The following SNX1 variants were observed in gnomAD, a reference collection of about 807,000 sequenced individuals.
The protein encoded by SNX1 is sorting nexin 1, also known as sorting nexin-1.
In SNX1, 36 loss-of-function variants were observed where a neutral mutation model predicts 71.8. The observed-to-expected ratio is 0.50, with a 90% CI of 0.38 to 0.66. The LOEUF is 0.66. Among genes scored for constraint, SNX1 ranks in the 30% least tolerant of loss-of-function variants. The pLI is 0.00. For missense variants in SNX1, 612 were observed against 646.7 expected (o/e 0.95, Z 0.58); for synonymous variants, 254 against 240.7 (o/e 1.06, Z -0.51).
chr15:64,114,250 A>G (rs2081106861), intron 2 of SNX1, among the ~76,000 whole-genome samples: 1 of 152,218 alleles, frequency 6.6e-6, no homozygotes, highest in Non-Finnish European at 1.5e-5. Context: ...TCAAGAATGA[A>G]ATAGCAAAGA....
intron 12 of SNX1, among the ~76,000 whole-genome samples, chr15:64,135,276 C>T (rs2081347087): frequency 6.6e-6 from 1 of 151,686 alleles, no homozygotes; most frequent in East Asian, 2.0e-4. Context: ...TGCCACCACA[C>T]CTGGCTAATT....
At position 64,096,150 on chromosome 15, in the gene SNX1, T is replaced by A. The variant is rs2080897481; in HGVS notation, c.137T>A (p.Ile46Asn). The change falls in exon 1 of 15, where the codon ATT becomes AAT. Residue 46 changes from isoleucine (I) to asparagine (N), a missense_variant. Ile to Asn is a moderately radical substitution (Grantham distance 149, BLOSUM62 -3). Around this residue, in one of 2 missense-constraint regions of SNX1, gnomAD observed 316 missense variants for 284.9 expected, o/e 1.11. Coordinates refer to ENST00000559844, the MANE Select transcript of SNX1 (RefSeq NM_003099.5). ...AGDSDTEGEDIFTGAAVVSKH... is the reference protein window; with the variant it reads ...AGDSDTEGEDNFTGAAVVSKH... Reference sequence around the variant, plus strand: ...GACAGCGACACCGAGGGGGAGGACATTTTCACCGGCGCCGCGGTGGTCGTG... The same window carrying A: ...GACAGCGACACCGAGGGGGAGGACAATTTCACCGGCGCCGCGGTGGTCGTG... The A allele has an allele frequency of 1.9e-6, 3 of 1,551,968 alleles. No individual in the cohort carries two copies. In the African/African-American group the frequency reaches 4.1e-5, roughly 21 times the overall value.
At chr15:64,112,044 A>G (rs2081082769) in intron 1 of SNX1, among the ~76,000 whole-genome samples, 1 of 152,248 alleles carries the variant, frequency 6.6e-6, no homozygotes, top group Non-Finnish European at 1.5e-5. Flanking sequence ...TTAAGGATGA[A>G]AAGATAAATT....
intron 1 of SNX1, among the ~76,000 whole-genome samples, chr15:64,108,253 G>A (rs1344219046): frequency 6.6e-6 from 1 of 151,508 alleles, no homozygotes; most frequent in Admixed American, 6.6e-5. Flanking sequence ...GCCATTGAAT[G>A]TAATCAGTAC....
At chr15:64,104,573 C>G (rs1305149955) in intron 1 of SNX1, among the ~76,000 whole-genome samples, 2 of 151,838 alleles carry the variant, frequency 1.3e-5, no homozygotes, top group Non-Finnish European at 2.9e-5. Flanking sequence ...GCGCCCGGCC[C>G]AGGGAGAAGA....
rs1567334896 is a variant in SNX1, at chr15:64,137,920, A to G, written c.*302A>G. 7.1e-7 allele frequency: 1 copy of G among 1,404,844 alleles called. No individual in the cohort carries two copies. Among genetic ancestry groups the G allele is most frequent in the Non-Finnish European group, 9.2e-7 (1 of 1,085,868 alleles). 87.0% of individuals were successfully genotyped at this position (1,404,844 alleles called of 1,614,324 possible). A position where few individuals can be genotyped will look rare whatever the true frequency, so the allele number is the denominator to read the frequency against. On this transcript the variant is annotated 3_prime_UTR_variant, in exon 15 of 15. Transcript: ENST00000559844. Reference sequence around the variant, plus strand: ...TAAATACAAATGTATATTTTTCAGGATGTGGTTTAGGAACTGGGAATAACG... The same window carrying G: ...TAAATACAAATGTATATTTTTCAGGGTGTGGTTTAGGAACTGGGAATAACG...
rs543022059 is a variant in SNX1 at position 64,134,600 on chromosome 15, C to T, written c.1222-64C>T. 5.9e-5 allele frequency: 91 copies of T among 1,546,136 alleles called. No homozygotes were observed. The highest frequency in any genetic ancestry group is 7.4e-5 in the Non-Finnish European group (84 of 1,142,806). ...GTGCAGCTGCTGGGAGAGCCTGCCTCGAGGCAGAGCCAGCAGAGCTCTTGA... is the reference window on the plus strand; with the variant it reads ...GTGCAGCTGCTGGGAGAGCCTGCCTTGAGGCAGAGCCAGCAGAGCTCTTGA... On this transcript the variant is annotated intron_variant, in intron 11 of 14. Transcript: ENST00000559844. This position sits in a 1 kb window ranked among gnomAD's most constrained non-coding sequence, Gnocchi z 4.1.
At chr15:64,119,038 G>A (rs1009094369) in intron 4 of SNX1, among the ~76,000 whole-genome samples, 184 bp downstream of exon 4, 8 of 147,732 alleles carry the variant, frequency 5.4e-5, no homozygotes, top group Admixed American at 3.3e-4. Flanking sequence ...TACTCAATGC[G>A]TTAGTCAGTC....
At chr15:64,120,676 A>C (rs1482806297) in intron 4 of SNX1, among the ~76,000 whole-genome samples, 2 of 152,056 alleles carry the variant, frequency 1.3e-5, no homozygotes, top group Admixed American at 6.6e-5. Flanking sequence ...CCCTGTCTCT[A>C]CAAAAAAATA....
In SNX1 at chr15:64,138,024, TTGG is replaced by T; in HGVS notation, c.*411_*413del. On this transcript the variant is annotated 3_prime_UTR_variant, in exon 15 of 15. Coordinates refer to ENST00000559844, the MANE Select transcript of SNX1 (RefSeq NM_003099.5). ...AAATCAGGTCACATGACTCAGAATG[TTGG>T]TGGTTTTTGCTTAGGCTGGGGAGCA... 6.6e-7 allele frequency: 1 copy of T among 1,511,002 alleles called. No homozygotes were observed. 93.6% of individuals were successfully genotyped at this position (1,511,002 alleles called of 1,614,324 possible). A position where few individuals can be genotyped will look rare whatever the true frequency, so the allele number is the denominator to read the frequency against.
intron 4 of SNX1, among the ~76,000 whole-genome samples, chr15:64,120,895 A>G (rs2081190899): frequency 6.6e-6 from 1 of 152,092 alleles, no homozygotes; most frequent in Non-Finnish European, 1.5e-5. Context: ...CTTTTCCCAG[A>G]CTGTTGGACT....
chr15:64,140,893 T>G lies in SNX1; in HGVS notation c.*3275T>G, dbSNP rs2081405446. 6.6e-6 allele frequency: 1 copy of G among 152,196 alleles called. No individual in the cohort carries two copies. The highest frequency in any genetic ancestry group is 2.1e-4 in the South Asian group (1 of 4,828). The allele number at this position is 152,196 out of a possible 1,614,324, so 9.4% of individuals were successfully genotyped here. A position where few individuals can be genotyped will look rare whatever the true frequency, so the allele number is the denominator to read the frequency against. On this transcript the variant is annotated 3_prime_UTR_variant, in exon 15 of 15. Transcript: ENST00000559844. ...AGCCACCATACCCAGCCAGAGAATG[T>G]TATTTAGAAACCAAGATCTGGGTGC...
intron 1 of SNX1, among the ~76,000 whole-genome samples, chr15:64,098,021 A>G (rs1401043504): frequency 2.0e-5 from 3 of 152,232 alleles, no homozygotes; most frequent in Non-Finnish European, 4.4e-5. Context: ...TGTGACTGTC[A>G]TAAAACAGGA....
At chr15:64,121,318 A>G (rs1268243962) in intron 4 of SNX1, among the ~76,000 whole-genome samples, 1 of 152,160 alleles carries the variant, frequency 6.6e-6, no homozygotes, top group Non-Finnish European at 1.5e-5. Flanking sequence ...TCGGCAGGCC[A>G]TTCTCCCTGT....
Position 64,140,811 on chromosome 15 carries a change from C to G in SNX1, c.*3193C>G, listed in dbSNP as rs1021794803. On this transcript the variant is annotated 3_prime_UTR_variant, in exon 15 of 15. Transcript: ENST00000559844. ...TGTTGGGGAGGCTGGTCTCGAACTC[C>G]TGACCTCAGGTGATCTGCCCACCTC... The G allele has an allele frequency of 6.6e-6, 1 of 152,130 alleles. No homozygotes were observed. The allele number at this position is 152,130 out of a possible 1,614,324, so 9.4% of individuals were successfully genotyped here. A position where few individuals can be genotyped will look rare whatever the true frequency, so the allele number is the denominator to read the frequency against.
rs146966139 is a variant in SNX1 at position 64,098,596 on chromosome 15, A to C, written c.159+2424A>C. Among the ~76,000 whole-genome samples the C allele has an allele frequency of 4.9e-3, 739 of 152,014 alleles. 4 individuals are homozygous for C. Among genetic ancestry groups the C allele is most frequent in the Non-Finnish European group, 7.9e-3 (538 of 67,978 alleles). ...TAATCCCAGCTAGGGAGGCTGAGGC[A>C]CAAGAATCACTTGAACCCGGGAGGC... On this transcript the variant is annotated intron_variant, in intron 1 of 14. Coordinates refer to ENST00000559844, the MANE Select transcript of SNX1 (RefSeq NM_003099.5).
intron 1 of SNX1, among the ~76,000 whole-genome samples, chr15:64,102,679 C>G (rs562764243): frequency 6.6e-6 from 1 of 151,952 alleles, no homozygotes; most frequent in South Asian, 2.1e-4. Flanking sequence ...ACCTCCAGTT[C>G]CATCCATGTT....
chr15:64,123,398 C>G, intron 4 of SNX1, 105 bp from the exon 5 acceptor site: 1 of 952,174 alleles, frequency 1.1e-6, no homozygotes, highest in South Asian at 1.4e-5. Flanking sequence ...AGCATCCCTT[C>G]TTATCCAGGG....
intron 1 of SNX1, chr15:64,111,693 T>A (rs979931794): frequency 6.6e-6 from 1 of 152,212 alleles, no homozygotes; most frequent in Non-Finnish European, 1.5e-5. Context: ...AAGGAACAAA[T>A]TCCCTCAGAT....
Sources: gnomAD v4.1 joint callset for allele counts (sites outside exome capture counted in the v4.1 genomes callset) on GRCh38, gnomAD v4.1.1 for gene constraint, gnomAD v4.1.1 regional missense constraint, Gnocchi (gnomAD v3.1) non-coding constraint, MANE v1.5 for transcripts, NCBI Gene and HGNC (gene_info 2026-07-23, HGNC 2026-07-21) for gene names.